DOCK2: variants seen among roughly 807,000 people sequenced by gnomAD.
DOCK2 encodes dedicator of cytokinesis protein 2.
In DOCK2, 87 loss-of-function variants were observed where a neutral mutation model predicts 248.9. The observed-to-expected ratio is 0.35, with a 90% CI of 0.29 to 0.42. The LOEUF (loss-of-function observed/expected upper bound fraction) is 0.42, where lower values mean the gene tolerates loss of function less well. Among genes scored for constraint, DOCK2 ranks in the 10% least tolerant of loss-of-function variants. DOCK2 has a pLI of 1.00. For missense variants in DOCK2, 1,747 were observed against 2,300.2 expected (o/e 0.76, Z 4.92); for synonymous variants, 805 against 821.6 (o/e 0.98, Z 0.35).
In DOCK2 at chr5:170,018,957, C is replaced by T. The variant is rs1755628705; in HGVS notation, c.3233-3C>T. On this transcript the variant is annotated splice_polypyrimidine_tract_variant and splice_region_variant and intron_variant, in intron 32 of 51. Coordinates refer to ENST00000520908, the MANE Select transcript of DOCK2 (RefSeq NM_004946.3). ...ATGTGTTCATGTTCCTCTTCTCTTT[C>T]AGGTCAGAACAAAATCTGCTTCATC... The T allele has an allele frequency of 1.9e-6, 3 of 1,613,742 alleles. No homozygotes were observed. The highest frequency in any genetic ancestry group is 2.5e-6 in the Non-Finnish European group (3 of 1,179,762).
intron 27 of DOCK2, among the ~76,000 whole-genome samples, chr5:169,926,736 G>A (rs1170449543): frequency 6.6e-6 from 1 of 152,226 alleles, no homozygotes; most frequent in Non-Finnish European, 1.5e-5. Flanking sequence ...TTGTGACTCT[G>A]TAACTAGAGG....
chr5:170,044,940 C>T (rs1311337407), intron 38 of DOCK2, among the ~76,000 whole-genome samples: 1 of 152,158 alleles, frequency 6.6e-6, no homozygotes, highest in East Asian at 1.9e-4. Context: ...CCTGACTCTG[C>T]AGACCGTCCT....
intron 44 of DOCK2, among the ~76,000 whole-genome samples, chr5:170,062,942 C>A (rs1431600956): frequency 1.3e-5 from 2 of 152,182 alleles, no homozygotes; most frequent in African/African-American, 4.8e-5. Context: ...GAGAAGCAGG[C>A]TGTCACTTCT....
chr5:169,681,601 A>G lies in DOCK2; in HGVS notation c.471-143A>G, dbSNP rs1184469513. 1.8e-5 allele frequency: 17 copies of G among 954,844 alleles called. No individual in the cohort carries two copies. The East Asian group carries it at 3.8e-4, about 21-fold the overall frequency. The allele number at this position is 954,844 out of a possible 1,614,324, so 59.1% of individuals were successfully genotyped here. Reference sequence around the variant, plus strand: ...ACTATACCAATATGTGCTCACTAGCAGTGTCCCAGGCTATCAGTGTAGAGC... The same window carrying G: ...ACTATACCAATATGTGCTCACTAGCGGTGTCCCAGGCTATCAGTGTAGAGC... On this transcript the variant is annotated intron_variant, in intron 6 of 51. Coordinates refer to ENST00000520908, the MANE Select transcript of DOCK2 (RefSeq NM_004946.3).
intron 27 of DOCK2, among the ~76,000 whole-genome samples, chr5:169,925,370 A>G (rs778764946): frequency 7.9e-5 from 12 of 152,172 alleles, no homozygotes; most frequent in Non-Finnish European, 1.5e-4. Context: ...TCACAAGGTC[A>G]GGCGTTAAAG....
chr5:169,856,093 A>G (rs899307849), intron 27 of DOCK2, among the ~76,000 whole-genome samples: 1 of 152,122 alleles, frequency 6.6e-6, no homozygotes, highest in Non-Finnish European at 1.5e-5. Flanking sequence ...CCTGGGGAAA[A>G]CTGGCCCCAT....
intron 27 of DOCK2, chr5:169,882,840 C>A: frequency 6.4e-7 from 1 of 1,551,056 alleles, no homozygotes; most frequent in Non-Finnish European, 8.7e-7. Context: ...GCTCCTGACA[C>A]CCAGGGGCAG....
intron 27 of DOCK2, among the ~76,000 whole-genome samples, chr5:169,945,370 C>T (rs1051835427): frequency 2.0e-5 from 3 of 152,252 alleles, no homozygotes; most frequent in Admixed American, 2.0e-4. Context: ...AGGGGAGAGA[C>T]TGGAACAAAT....
Position 169,827,990 on chromosome 5 carries a change from C to T in DOCK2, c.2704-12767C>T, listed in dbSNP as rs184374831. On this transcript the variant is annotated intron_variant, in intron 26 of 51. Coordinates refer to ENST00000520908, the MANE Select transcript of DOCK2 (RefSeq NM_004946.3). ...ATTTCCCAAGATGAGGAGAAATGCCCTTGTCCTAGGAGGCAGTGATTTTGC... is the reference window on the plus strand; with the variant it reads ...ATTTCCCAAGATGAGGAGAAATGCCTTTGTCCTAGGAGGCAGTGATTTTGC... Among the ~76,000 whole-genome samples the T allele has an allele frequency of 1.6e-3, 245 of 152,208 alleles. 1 individual carries two copies. Among genetic ancestry groups the T allele is most frequent in the African/African-American group, 5.7e-3 (235 of 41,532 alleles).
intron 1 of DOCK2, among the ~76,000 whole-genome samples, chr5:169,645,548 A>T (rs746126880): frequency 5.3e-5 from 8 of 151,840 alleles, no homozygotes; most frequent in Admixed American, 1.3e-4. Flanking sequence ...GATTGCAAAA[A>T]TTTTCTCCCA....
chr5:170,020,618 A>G (rs146622489), intron 33 of DOCK2, among the ~76,000 whole-genome samples: 132 of 152,380 alleles, frequency 8.7e-4, no homozygotes, highest in African/African-American at 2.9e-3. Flanking sequence ...AGAAACTGAG[A>G]CTTAGAAAGC....
chr5:169,835,586 T>C (rs1376086987), intron 26 of DOCK2, among the ~76,000 whole-genome samples: 2 of 151,952 alleles, frequency 1.3e-5, no homozygotes, highest in East Asian at 3.9e-4. Context: ...GGACAGTTAA[T>C]AGACAATGCC....
intron 39 of DOCK2, among the ~76,000 whole-genome samples, chr5:170,046,456 C>T (rs1307397027): frequency 6.6e-6 from 1 of 152,068 alleles, no homozygotes. Context: ...TGGCTGCTTC[C>T]CTCCCGCCCA....
chr5:169,848,823 A>T (rs901502133), intron 27 of DOCK2, among the ~76,000 whole-genome samples: 5 of 152,146 alleles, frequency 3.3e-5, no homozygotes, highest in African/African-American at 1.2e-4. Flanking sequence ...AAAGAAGGAA[A>T]TTGGAAGTCA....
chr5:169,874,281 C>A (rs1022657091), intron 27 of DOCK2, among the ~76,000 whole-genome samples: 1 of 151,790 alleles, frequency 6.6e-6, no homozygotes, highest in South Asian at 2.1e-4. Context: ...GGTGTGGTGG[C>A]GGGCACCTAT....
At chr5:169,961,447 C>T (rs1777083150) in intron 27 of DOCK2, among the ~76,000 whole-genome samples, 1 of 152,192 alleles carries the variant, frequency 6.6e-6, no homozygotes, top group Non-Finnish European at 1.5e-5. Flanking sequence ...GTATAGCATG[C>T]TGAGCATAAT....
chr5:170,018,078 G>A (rs1433475499), intron 32 of DOCK2, among the ~76,000 whole-genome samples: 1 of 152,212 alleles, frequency 6.6e-6, no homozygotes, highest in Non-Finnish European at 1.5e-5. Context: ...GGAGGCAGAT[G>A]TTAATCAAAC....
chr5:169,937,932 C>A (rs1453827456), intron 27 of DOCK2, among the ~76,000 whole-genome samples: 1 of 152,226 alleles, frequency 6.6e-6, no homozygotes, highest in African/African-American at 2.4e-5. Context: ...CACATCCTCT[C>A]CAGGCCTTTG....
At chr5:170,057,540 G>A (rs1258698631) in intron 43 of DOCK2, 40 bp from the exon 44 acceptor site, 1 of 1,586,694 alleles carries the variant, frequency 6.3e-7, no homozygotes, top group Non-Finnish European at 8.7e-7. Context: ...AAATGTGTTT[G>A]TTGCTTTCCT....
Sources: gnomAD v4.1 joint callset for allele counts (sites outside exome capture counted in the v4.1 genomes callset) on GRCh38, gnomAD v4.1.1 for gene constraint, MANE v1.5 for transcripts, NCBI Gene and HGNC (gene_info 2026-07-23, HGNC 2026-07-21) for gene names.